The following CRACDL variants were observed in gnomAD, a reference collection of about 807,000 sequenced individuals.
CRACDL encodes CRACD like.
In CRACDL, 26 loss-of-function variants were observed where a neutral mutation model predicts 70.6. That is an observed-to-expected ratio of 0.37 (90% confidence interval 0.27 to 0.51). The LOEUF is 0.51. Ranked by LOEUF, CRACDL falls within the 20% of genes least tolerant of loss-of-function variation. The pLI, the probability that CRACDL is intolerant of heterozygous loss-of-function variation, is 0.94. For missense variants in CRACDL, 1,283 were observed against 1,376.9 expected, an observed-to-expected ratio of 0.93 and a Z score of 1.08; for synonymous variants, 618 against 615.2, an observed-to-expected ratio of 1.00 and a Z score of -0.07.
chr2:98,804,537 G>T (rs937402228), intron 7 of CRACDL, among the ~76,000 whole-genome samples: 5 of 152,140 alleles, frequency 3.3e-5, no homozygotes, highest in Non-Finnish European at 7.4e-5. Context: ...ACCGTATACA[G>T]TATCTTTTTT....
At chr2:98,928,591 G>A (rs1002519477) in intron 1 of CRACDL, among the ~76,000 whole-genome samples, 18 of 152,144 alleles carry the variant, frequency 1.2e-4, no homozygotes, top group Non-Finnish European at 1.9e-4. Flanking sequence ...CCAGCTACTC[G>A]AGAGGCTGAC....
intron 2 of CRACDL, among the ~76,000 whole-genome samples, chr2:98,842,601 T>C (rs1423640365): frequency 6.6e-6 from 1 of 152,176 alleles, no homozygotes; most frequent in African/African-American, 2.4e-5. Flanking sequence ...CAACCACTTA[T>C]AACTTCTCTG....
chr2:98,846,316 G>T lies in CRACDL; in HGVS notation c.70+415C>A, dbSNP rs559844084. Among the ~76,000 whole-genome samples the T allele has an allele frequency of 9.2e-5, 14 of 152,184 alleles. No individual in the cohort carries two copies. The East Asian group carries it at 1.9e-3, about 21-fold the overall frequency. Reference sequence around the variant, plus strand: ...AAGTCATGAAGGAGAGGGATCAAAGGCTCTCTCCTGATGTAATTATTTTTT... The same window carrying T: ...AAGTCATGAAGGAGAGGGATCAAAGTCTCTCTCCTGATGTAATTATTTTTT... On this transcript the variant is annotated intron_variant, in intron 2 of 9. Transcript: ENST00000397899.
chr2:98,883,437 C>T (rs1489566904), intron 1 of CRACDL, among the ~76,000 whole-genome samples: 1 of 152,190 alleles, frequency 6.6e-6, no homozygotes. Flanking sequence ...ATTAAGATGG[C>T]AGGCAGTCAG....
chr2:98,826,219 A>G (rs1250377885), intron 6 of CRACDL, among the ~76,000 whole-genome samples: 1 of 152,164 alleles, frequency 6.6e-6, no homozygotes, highest in Non-Finnish European at 1.5e-5. Flanking sequence ...GCACACCCAA[A>G]GAGGGGTCTG....
intron 1 of CRACDL, among the ~76,000 whole-genome samples, chr2:98,934,903 G>A (rs1203853498): frequency 6.6e-6 from 1 of 152,200 alleles, no homozygotes; most frequent in African/African-American, 2.4e-5. Flanking sequence ...GCACAGCATA[G>A]GGGCAGAGCC....
intron 1 of CRACDL, chr2:98,897,310 G>A (rs892805071): frequency 6.5e-5 from 69 of 1,065,152 alleles, no homozygotes; most frequent in Non-Finnish European, 7.5e-5. Flanking sequence ...TACCCTTCTG[G>A]TATTAAACGT....
chr2:98,883,857 G>A (rs953514772), intron 1 of CRACDL, among the ~76,000 whole-genome samples: 8 of 152,190 alleles, frequency 5.3e-5, no homozygotes, highest in African/African-American at 1.9e-4. Context: ...TACAAAGGAG[G>A]GATGAAGCTA....
intron 1 of CRACDL, among the ~76,000 whole-genome samples, chr2:98,906,546 GC>G (rs5832863): frequency 0.43 from 66,076 of 151,996 alleles, 15,157 homozygotes; most frequent in Admixed American, 0.58. Context: ...ACAGGCGTGA[GC>G]CATTGCACCT....
At chr2:98,804,580 A>C (rs1370463498) in intron 7 of CRACDL, among the ~76,000 whole-genome samples, 1 of 152,066 alleles carries the variant, frequency 6.6e-6, no homozygotes. Context: ...TTGGGGCACT[A>C]GGTTTTCTTG....
intron 1 of CRACDL, among the ~76,000 whole-genome samples, chr2:98,907,942 T>A (rs1708454168): frequency 6.6e-6 from 1 of 152,220 alleles, no homozygotes; most frequent in African/African-American, 2.4e-5. Context: ...GCAGAAAACC[T>A]AATGTTTCTG....
At position 98,822,039 on chromosome 2, in the gene CRACDL, T is replaced by C; in HGVS notation, c.2234A>G (p.Gln745Arg). The C allele has an allele frequency of 1.3e-6, 2 of 1,544,840 alleles. No homozygotes were observed. The highest frequency in any genetic ancestry group is 1.7e-6 in the Non-Finnish European group (2 of 1,144,412). Residue 745 changes from glutamine to arginine, a missense_variant, in exon 7 of 10, where the codon CAA becomes CGA. Physicochemically the swap from Gln to Arg is conservative, Grantham distance 43 (BLOSUM62 1). Around this residue, in one of 2 missense-constraint regions of CRACDL, gnomAD observed 921 missense variants for 881.9 expected, o/e 1.04. Coordinates refer to ENST00000397899, the MANE Select transcript of CRACDL (RefSeq NM_207362.3). The surrounding 1 kb of genome is among the most constrained non-coding windows in gnomAD (Gnocchi z 4.9). ...ALRGTRAPSDQGKGKARPPEP... is the reference protein window; with the variant it reads ...ALRGTRAPSDRGKGKARPPEP... Reference sequence around the variant, plus strand: ...GGGGGGCCGGGCCTTCCCCTTTCCTTGGTCGCTGGGGGCCCTGGTGCCTCG... The same window carrying C: ...GGGGGGCCGGGCCTTCCCCTTTCCTCGGTCGCTGGGGGCCCTGGTGCCTCG...
At chr2:98,935,206 C>A (rs1421741032) in intron 1 of CRACDL, among the ~76,000 whole-genome samples, 1 of 152,068 alleles carries the variant, frequency 6.6e-6, no homozygotes, top group Non-Finnish European at 1.5e-5. Context: ...AACACAGCTG[C>A]CTGTCTTCCA....
chr2:98,886,809 A>C (rs963153630), intron 1 of CRACDL, among the ~76,000 whole-genome samples: 5 of 151,682 alleles, frequency 3.3e-5, no homozygotes, highest in African/African-American at 1.2e-4. Flanking sequence ...TAATATTCTA[A>C]GTTGCCACAT....
rs145709957 is a variant in CRACDL at position 98,879,663 on chromosome 2, C to T, written c.-10-32853G>A. Among the ~76,000 whole-genome samples the T allele has an allele frequency of 2.4e-3, 369 of 152,310 alleles. 4 individuals carry two copies. Among genetic ancestry groups the T allele is most frequent in the East Asian group, 0.015 (76 of 5,182 alleles). On this transcript the variant is annotated intron_variant, in intron 1 of 9. Transcript: ENST00000397899. ...TCCTGGGTTCAAGCAATTCTCCTGC[C>T]TCAGCCTCCCGAGTAGCTGTCCCAG... is the stretch of plus-strand genomic sequence containing the variant.
chr2:98,872,218 C>T (rs960450105), intron 1 of CRACDL, among the ~76,000 whole-genome samples: 9 of 152,122 alleles, frequency 5.9e-5, no homozygotes, highest in African/African-American at 9.7e-5. Context: ...ATTAGCCGGG[C>T]GTGGTGGCAC....
At chr2:98,815,968 A>T (rs1216122285) in intron 7 of CRACDL, among the ~76,000 whole-genome samples, 1 of 152,128 alleles carries the variant, frequency 6.6e-6, no homozygotes, top group African/African-American at 2.4e-5. Flanking sequence ...GCCAAGAGGG[A>T]TTTGCTGCTT....
At chr2:98,850,349 G>A (rs1358932904) in intron 1 of CRACDL, among the ~76,000 whole-genome samples, 1 of 152,250 alleles carries the variant, frequency 6.6e-6, no homozygotes, top group Non-Finnish European at 1.5e-5. Context: ...CTGTGACAAT[G>A]GAACATCATC....
In CRACDL at chr2:98,900,988, G is replaced by A. The variant is rs1159603995; in HGVS notation, c.-11+34950C>T. Among the ~76,000 whole-genome samples the A allele has an allele frequency of 3.9e-5, 6 of 152,220 alleles. No individual in the cohort carries two copies. In the East Asian group the frequency reaches 7.7e-4, roughly 20 times the overall value. On this transcript the variant is annotated intron_variant, in intron 1 of 9. Transcript: ENST00000397899. ...GAAGTCAAGCTCCAGAGGAAGGAGC[G>A]CTGAGCCCTTCCCCTCACTTAGGAC...
Sources: allele counts gnomAD v4.1 joint callset (sites outside exome capture counted in the v4.1 genomes callset), GRCh38; gene constraint gnomAD v4.1.1; regional missense constraint gnomAD v4.1.1; non-coding constraint Gnocchi (gnomAD v3.1); transcripts MANE v1.5; gene names NCBI Gene and HGNC (gene_info 2026-07-23, HGNC 2026-07-21).